MIGA2: variants seen among roughly 807,000 people sequenced by gnomAD.
The protein encoded by MIGA2 is mitoguardin 2, also known as family with sequence similarity 73, member B.
MIGA2 carries 36 observed loss-of-function variants against 69.9 expected under a neutral mutation model. The ratio of observed to expected loss-of-function variants is 0.52; its 90% CI spans 0.39 to 0.68. The LOEUF (loss-of-function observed/expected upper bound fraction) is 0.68. Among genes scored for constraint, MIGA2 ranks in the 30% least tolerant of loss-of-function variants. The pLI, the probability that MIGA2 is intolerant of heterozygous loss-of-function variation, is 0.00. For missense variants in MIGA2, 660 were observed against 787.7 expected (o/e 0.84, Z 1.94); for synonymous variants, 333 against 349.2 (o/e 0.95, Z 0.52).
rs746086423 is a variant in MIGA2, at chr9:129,071,278, G to A, written c.*825G>A. 1.3e-5 allele frequency: 2 copies of A among 152,640 alleles called. No individual in the cohort carries two copies. The highest frequency in any genetic ancestry group is 2.9e-5 in the Non-Finnish European group (2 of 68,380). The allele number at this position is 152,640 out of a possible 1,614,324, so 9.5% of individuals were successfully genotyped here. On this transcript the variant is annotated 3_prime_UTR_variant, in exon 16 of 16. Transcript: ENST00000684074. ...CCCGGGGACCACTTGGGGGAGGTCA[G>A]AGGATGTATGTGGCCGGACCAGCTT...
rs184102865 is a variant in MIGA2 at position 129,040,599 on chromosome 9, C to T, written c.5C>T (p.Ala2Val). The change falls in exon 2 of 16, where the codon GCG becomes GTG. Residue 2 changes from alanine (A) to valine (V), a missense_variant. By Grantham distance (64) the Ala-to-Val change is moderately conservative. Transcript: ENST00000684074. MAFRRAEGTSMI... is the reference protein window; with the variant it reads MVFRRAEGTSMI... ...GCCTGGGGCATTGGCCCTGCCATGG[C>T]GTTCCGGAGGGCCGAGGGCACGTCT... is the stretch of plus-strand genomic sequence containing the variant. The T allele has an allele frequency of 1.4e-5, 23 of 1,610,766 alleles. No individual in the cohort carries two copies. Among genetic ancestry groups the T allele is most frequent in the African/African-American group, 4.0e-5 (3 of 75,002 alleles).
intron 6 of MIGA2, among the ~76,000 whole-genome samples, chr9:129,051,744 C>A (rs1462805802): frequency 6.7e-6 from 1 of 150,292 alleles, no homozygotes; most frequent in Non-Finnish European, 1.5e-5. Flanking sequence ...CTACAGGTGC[C>A]TGCCACCATG....
intron 3 of MIGA2, among the ~76,000 whole-genome samples, chr9:129,047,878 G>A (rs1412281579): frequency 1.3e-5 from 2 of 151,856 alleles, no homozygotes; most frequent in Non-Finnish European, 2.9e-5. Flanking sequence ...TGCAGGCCAC[G>A]CCACCACACT....
rs117912574 is a variant in MIGA2, at chr9:129,070,613, G to T, written c.*160G>T. The T allele has an allele frequency of 1.8e-4, 144 of 779,298 alleles. No homozygotes were observed. In the East Asian group the frequency reaches 3.3e-3, roughly 18 times the overall value. The allele number at this position is 779,298 out of a possible 1,614,324, so 48.3% of individuals were successfully genotyped here. On this transcript the variant is annotated 3_prime_UTR_variant, in exon 16 of 16. Coordinates refer to ENST00000684074, the MANE Select transcript of MIGA2 (RefSeq NM_001329990.2). ...CCAGAGGGGACATTTCCATGGAGAA[G>T]AACGGTTCCTGGGGGAAGCAGAGGC...
intron 1 of MIGA2, 145 bp downstream of exon 1, chr9:129,036,826 C>A: frequency 2.0e-6 from 1 of 499,014 alleles, no homozygotes; most frequent in Non-Finnish European, 2.7e-6. Context: ...GTACCCGGGC[C>A]GGGGACGGTG....
intron 6 of MIGA2, among the ~76,000 whole-genome samples, chr9:129,055,417 GT>G (rs1845744945): frequency 6.6e-6 from 1 of 151,912 alleles, no homozygotes; most frequent in African/African-American, 2.4e-5. Context: ...ATAAAGACTA[GT>G]ATCTACATAT....
intron 3 of MIGA2, 90 bp downstream of exon 3, chr9:129,042,604 G>A (rs1382149274): frequency 7.5e-7 from 1 of 1,335,436 alleles, no homozygotes; most frequent in South Asian, 1.3e-5. Flanking sequence ...GGGGATATTG[G>A]GCCAGTGTCT....
intron 2 of MIGA2, among the ~76,000 whole-genome samples, chr9:129,041,298 C>A (rs1844891189): frequency 6.6e-6 from 1 of 151,680 alleles, no homozygotes; most frequent in Non-Finnish European, 1.5e-5. Context: ...TGCCACTACA[C>A]TCCAGCCTGG....
In MIGA2 at chr9:129,069,910, C is replaced by T; in HGVS notation, c.1520C>T (p.Ala507Val). Residue 507 changes from alanine (A) to valine (V), a missense_variant, in exon 15 of 16, where the codon GCC (alanine) becomes GTC (valine). Physicochemically the swap from Ala to Val is moderately conservative, Grantham distance 64. This residue lies in a region of MIGA2 where 220 missense variants were observed against 301.7 expected (regional missense o/e 0.73). Transcript: ENST00000684074. This position sits in a 1 kb window ranked among gnomAD's most constrained non-coding sequence, Gnocchi z 4.9. ...TCGGAGCATGTGAGCCCTGTCCTAG[C>T]CTTCGGCTTCCTTGGACCCAAGCCT... ...SVSEHVSPVL[A>V]FGFLGPKPQL... 1 of 1,613,418 alleles carries T rather than the reference C, an allele frequency of 6.2e-7. No homozygotes were observed. The highest frequency in any genetic ancestry group is 1.1e-5 in the South Asian group (1 of 91,004).
At chr9:129,056,840 C>T (rs1031478454) in intron 6 of MIGA2, among the ~76,000 whole-genome samples, 4 of 152,038 alleles carry the variant, frequency 2.6e-5, no homozygotes, top group African/African-American at 9.7e-5. Context: ...TCAAAACCAG[C>T]CTGGGCAACA....
chr9:129,045,575 T>C (rs1049488580), intron 3 of MIGA2, among the ~76,000 whole-genome samples: 4 of 149,602 alleles, frequency 2.7e-5, no homozygotes, highest in African/African-American at 9.9e-5. Flanking sequence ...CTGAGCAGCA[T>C]AGAGAGACCC....
At chr9:129,057,596 ATTTCC>A (rs1240535824) in intron 6 of MIGA2, among the ~76,000 whole-genome samples, 1 of 140,498 alleles carries the variant, frequency 7.1e-6, no homozygotes, top group Non-Finnish European at 1.5e-5. Flanking sequence ...TGGCCCAATG[ATTTCC>A]TTTCATTTAT....
At chr9:129,066,546 C>T (rs183856584) in intron 11 of MIGA2, among the ~76,000 whole-genome samples, 4,862 of 149,134 alleles carry the variant, frequency 0.033, 182 homozygotes, top group South Asian at 0.097. Flanking sequence ...TGGTGGTGGG[C>T]GCCTGTAGTC....
chr9:129,043,384 C>CT (rs60096838), intron 3 of MIGA2, among the ~76,000 whole-genome samples: 1,717 of 128,302 alleles, frequency 0.013, 44 homozygotes, highest in African/African-American at 0.035. Context: ...TCTGTTCTCT[C>CT]TTTTTTTTTT....
intron 6 of MIGA2, among the ~76,000 whole-genome samples, chr9:129,055,565 CA>C (rs1280324764): frequency 6.6e-5 from 10 of 151,904 alleles, no homozygotes; most frequent in East Asian, 1.9e-4. Context: ...AATATCTGGC[CA>C]GGGGCCTCGC....
At chr9:129,063,847 G>A (rs1846196329) in intron 11 of MIGA2, among the ~76,000 whole-genome samples, 1 of 152,204 alleles carries the variant, frequency 6.6e-6, no homozygotes, top group South Asian at 2.1e-4. Context: ...GTGGCGGCAT[G>A]TGGCGTCCGT....
rs1845990669 is a variant in MIGA2, at chr9:129,060,195, C to T, written c.794-355C>T. ...GCTTGTCAGAGGAGAGAGGCGATTTCCCCGGGGCCACACAGTTCAAGGTCC... is the reference window on the plus strand; with the variant it reads ...GCTTGTCAGAGGAGAGAGGCGATTTTCCCGGGGCCACACAGTTCAAGGTCC... On this transcript the variant is annotated intron_variant, in intron 7 of 15. Transcript: ENST00000684074. The surrounding 1 kb of genome is among the most constrained non-coding windows in gnomAD (Gnocchi z 4.8). Among the ~76,000 whole-genome samples, 1 of 152,152 alleles carries T rather than the reference C, an allele frequency of 6.6e-6. No individual in the cohort carries two copies. Among genetic ancestry groups the T allele is most frequent in the African/African-American group, 2.4e-5 (1 of 41,440 alleles).
At chr9:129,042,960 C>A (rs937074623) in intron 3 of MIGA2, among the ~76,000 whole-genome samples, 1 of 152,080 alleles carries the variant, frequency 6.6e-6, no homozygotes, top group African/African-American at 2.4e-5. Flanking sequence ...CTTGGGAAGC[C>A]GAGGCGGGCA....
At position 129,042,433 on chromosome 9, in the gene MIGA2, G is replaced by C. The variant is rs768879690; in HGVS notation, c.226G>C (p.Gly76Arg). 2 of 1,612,688 alleles carry C rather than the reference G, an allele frequency of 1.2e-6. No individual in the cohort carries two copies. The highest frequency in any genetic ancestry group is 1.7e-6 in the Non-Finnish European group (2 of 1,179,680). ...KRRRRRKKQV[G>R]PEMGGEQLGT... Reference sequence around the variant, plus strand: ...GCGACGGAGGAGGAAGAAGCAGGTTGGTCCCGAGATGGGAGGGGAGCAGCT... The same window carrying C: ...GCGACGGAGGAGGAAGAAGCAGGTTCGTCCCGAGATGGGAGGGGAGCAGCT... The change falls in exon 3 of 16, where the codon GGT becomes CGT. Residue 76 changes from glycine to arginine, a missense_variant. Gly to Arg is a moderately radical substitution (Grantham distance 125, BLOSUM62 -2). Transcript: ENST00000684074.
Sources: allele counts gnomAD v4.1 joint callset (sites outside exome capture counted in the v4.1 genomes callset), GRCh38; gene constraint gnomAD v4.1.1; regional missense constraint gnomAD v4.1.1; non-coding constraint Gnocchi (gnomAD v3.1); transcripts MANE v1.5; gene names NCBI Gene and HGNC (gene_info 2026-07-23, HGNC 2026-07-21).